Variants in TTC6 observed in about 807,000 individuals in gnomAD.
TTC6 encodes tetratricopeptide repeat protein 6.
A neutral mutation model predicts 210.4 loss-of-function variants in TTC6; 172 were observed. The observed-to-expected ratio is 0.82, with a 90% CI of 0.72 to 0.93. TTC6 has a LOEUF of 0.93. TTC6 is among the 40% of genes least tolerant of loss of function. The pLI is 0.00. For missense variants in TTC6, 2,414 were observed against 2,318.1 expected, an observed-to-expected ratio of 1.04 and a Z score of -0.85; for synonymous variants, 804 against 819.6, an observed-to-expected ratio of 0.98 and a Z score of 0.32.
At chr14:37,740,586 A>G (rs1450899854) in intron 10 of TTC6, among the ~76,000 whole-genome samples, 1 of 152,222 alleles carries the variant, frequency 6.6e-6, no homozygotes, top group Non-Finnish European at 1.5e-5. Context: ...ACTGGGGCAT[A>G]GTACTTCATA....
intron 17 of TTC6, among the ~76,000 whole-genome samples, chr14:37,792,750 TAAC>T (rs2096083004): frequency 1.3e-5 from 2 of 150,810 alleles, no homozygotes; most frequent in East Asian, 3.9e-4. Flanking sequence ...TAGCTGCTAT[TAAC>T]AATTTGAGTC....
intron 14 of TTC6, among the ~76,000 whole-genome samples, chr14:37,782,975 A>C (rs2096058908): frequency 1.3e-5 from 2 of 152,186 alleles, no homozygotes; most frequent in African/African-American, 4.8e-5. Context: ...CCAGGGATGA[A>C]GCCCACTTGA....
exon 18 of TTC6, chr14:37,795,306 C>G: frequency 6.5e-7 from 1 of 1,532,250 alleles, no homozygotes; most frequent in Non-Finnish European, 8.7e-7. Flanking sequence ...TGAATTGTCT[C>G]GTGCTATCCA....
rs964287084 is a variant in TTC6 at position 37,622,357 on chromosome 14, C to A, written c.293C>A (p.Pro98Gln). Residue 98 changes from proline to glutamine, a missense_variant, in exon 1 of 31, where the codon CCG becomes CAG. Physicochemically the swap from Pro to Gln is moderately conservative, Grantham distance 76. Coordinates refer to ENST00000553443, the Ensembl canonical transcript of TTC6. ...CTGCAGGAGGTGCTCGGAGGCGCGCCGCGTCCCTCGGGCCTGGGTGAGGCG... is the reference window on the plus strand; with the variant it reads ...CTGCAGGAGGTGCTCGGAGGCGCGCAGCGTCCCTCGGGCCTGGGTGAGGCG... The A allele has an allele frequency of 1.2e-5, 19 of 1,530,774 alleles. No homozygotes were observed. In the Admixed American group the frequency reaches 3.2e-4, roughly 25 times the overall value. The allele number at this position is 1,530,774 out of a possible 1,614,324, so 94.8% of individuals were successfully genotyped here. A position where few individuals can be genotyped will look rare whatever the true frequency, so the allele number is the denominator to read the frequency against.
At chr14:37,767,758 C>A (rs1390068937) in intron 14 of TTC6, among the ~76,000 whole-genome samples, 1 of 151,426 alleles carries the variant, frequency 6.6e-6, no homozygotes, top group Non-Finnish European at 1.5e-5. Flanking sequence ...GTTGCCTGTT[C>A]ACTCTGATGG....
chr14:37,694,975 A>T (rs2095811850), intron 3 of TTC6, among the ~76,000 whole-genome samples: 1 of 138,180 alleles, frequency 7.2e-6, no homozygotes, highest in Non-Finnish European at 1.5e-5. Context: ...CAAGAGGTTG[A>T]GGCTGCAGTG....
chr14:37,669,880 T>G (rs1321156801), intron 1 of TTC6, among the ~76,000 whole-genome samples: 1 of 152,212 alleles, frequency 6.6e-6, no homozygotes, highest in Non-Finnish European at 1.5e-5. Flanking sequence ...TTTATGTTAT[T>G]AAATCCTCTG....
chr14:37,682,835 A>G (rs913752593), exon 3 of TTC6: 12 of 1,535,632 alleles, frequency 7.8e-6, no homozygotes, highest in Middle Eastern at 1.7e-4. Context: ...GGGGACCCTC[A>G]GAAGCAGAAA....
chr14:37,719,067 A>G (rs2093572), intron 6 of TTC6, among the ~76,000 whole-genome samples: 2,945 of 152,306 alleles, frequency 0.019, 68 homozygotes, highest in African/African-American at 0.052. Flanking sequence ...ACAGATGAAC[A>G]TGTACTGAAA....
rs144723813 is a variant in TTC6 at position 37,731,871 on chromosome 14, C to T, written c.1819-4050C>T. Among the ~76,000 whole-genome samples, 1,308 of 151,860 alleles carry T rather than the reference C, an allele frequency of 8.6e-3. 13 individuals carry two copies. The highest frequency in any genetic ancestry group is 0.048 in the Middle Eastern group (14 of 294). ...GGATTTTTTTTGTTTTTTAATTGGA[C>T]CTATTTAAAATTTACATCTACTTTT... On this transcript the variant is annotated intron_variant, in intron 7 of 30. Coordinates refer to ENST00000553443, the Ensembl canonical transcript of TTC6.
chr14:37,680,401 C>T (rs74630859), intron 2 of TTC6, 140 bp downstream of exon 4: 38,227 of 570,694 alleles, frequency 0.067, 1,652 homozygotes, highest in Non-Finnish European at 0.084. Flanking sequence ...GCATCTAACT[C>T]GATACCACAC....
intron 1 of TTC6, among the ~76,000 whole-genome samples, chr14:37,602,126 C>G (rs909300658): frequency 1.3e-5 from 2 of 152,228 alleles, no homozygotes; most frequent in Non-Finnish European, 2.9e-5. Flanking sequence ...GCGCCTGGGG[C>G]TCTGCGCGCC....
At chr14:37,697,018 C>CT (rs1428218587) in intron 4 of TTC6, among the ~76,000 whole-genome samples, 183 bp downstream of exon 6, 1 of 151,932 alleles carries the variant, frequency 6.6e-6, no homozygotes, top group Non-Finnish European at 1.5e-5. Flanking sequence ...ATACTTTATG[C>CT]TTTTTTCTTT....
exon 30 of TTC6, chr14:37,841,552 A>G (rs1239890531): frequency 6.2e-7 from 1 of 1,607,232 alleles, no homozygotes. Flanking sequence ...AAGAAGCAAA[A>G]GAAGATTTTG....
rs551450496 is a variant in TTC6, at chr14:37,762,438, C to T, written c.3266+9203C>T. ...ATGGCTGTATTAACTTAAAATCCCA[C>T]CAACAGTGTACAAGAGTTCCCTTTT... is the stretch of plus-strand genomic sequence containing the variant. On this transcript the variant is annotated intron_variant, in intron 14 of 30. Transcript: ENST00000553443. 3.9e-5 allele frequency among the ~76,000 whole-genome samples: 6 copies of T among 152,274 alleles called. No individual in the cohort carries two copies. The South Asian group carries it at 1.0e-3, about 26-fold the overall frequency.
chr14:37,817,955 G>A (rs2096146236), intron 26 of TTC6, among the ~76,000 whole-genome samples: 1 of 152,028 alleles, frequency 6.6e-6, no homozygotes, highest in South Asian at 2.1e-4. Context: ...AAAGGATCGT[G>A]GCAATATGTA....
At chr14:37,604,026 T>C (rs1421804155) in intron 1 of TTC6, among the ~76,000 whole-genome samples, 1 of 152,114 alleles carries the variant, frequency 6.6e-6, no homozygotes, top group Non-Finnish European at 1.5e-5. Flanking sequence ...GCCTGAGAGG[T>C]GCTGGATGCT....
chr14:37,613,745 G>T (rs1371546303), intron 2 of TTC6, among the ~76,000 whole-genome samples: 1 of 151,482 alleles, frequency 6.6e-6, no homozygotes, highest in Non-Finnish European at 1.5e-5. Context: ...GTTAGATGTT[G>T]TTGGTATAGT....
intron 5 of TTC6, among the ~76,000 whole-genome samples, chr14:37,704,704 T>G (rs989448460): frequency 2.6e-5 from 4 of 152,050 alleles, no homozygotes; most frequent in African/African-American, 4.8e-5. Context: ...TGTTTTATGC[T>G]ATCAGAAATT....
Sources: gnomAD v4.1 joint callset for allele counts (sites outside exome capture counted in the v4.1 genomes callset) on GRCh38, gnomAD v4.1.1 for gene constraint, MANE v1.5 for transcripts, NCBI Gene and HGNC (gene_info 2026-07-23, HGNC 2026-07-21) for gene names.